Variants in MSTO1 observed in about 807,000 individuals in gnomAD.
MSTO1 encodes misato mitochondrial distribution and morphology regulator 1.
In MSTO1, 24 loss-of-function variants were observed where a neutral mutation model predicts 55.7. The ratio of observed to expected loss-of-function variants is 0.43; its 90% CI spans 0.31 to 0.61. The LOEUF (loss-of-function observed/expected upper bound fraction) is 0.61. Ranked by LOEUF, MSTO1 falls within the 20% of genes least tolerant of loss-of-function variation. MSTO1 has a pLI of 0.09. For synonymous variants in MSTO1, 162 were observed against 252.8 expected (o/e 0.64, Z 3.41); for missense variants, 363 against 625.7 (o/e 0.58, Z 4.48).
the MSTO1 span, among the ~76,000 whole-genome samples, chr1:155,578,789 C>T: frequency 6.8e-6 from 1 of 147,840 alleles, no homozygotes; most frequent in Non-Finnish European, 1.5e-5. Flanking sequence ...GGATTACAGG[C>T]GTGAGCCACC....
the MSTO1 span, among the ~76,000 whole-genome samples, chr1:155,584,082 T>C: frequency 4.7e-4 from 72 of 152,112 alleles, no homozygotes; most frequent in Admixed American, 2.8e-3. Context: ...CTTCATTAAG[T>C]AGTATGGCTG....
In MSTO1 at chr1:155,613,158, G is replaced by A; in HGVS notation, c.1208G>A (p.Cys403Tyr). Residue 403 changes from cysteine (C) to tyrosine (Y), a missense_variant, in exon 11 of 14, where the codon TGT (cysteine) becomes TAT (tyrosine). Physicochemically the swap from Cys to Tyr is radical, Grantham distance 194. Transcript: ENST00000245564. ...ACCCCATGGACCCCACTGTCTGCATGTGGGGAGCCTTCTGGAACACGTTGC... is the reference window on the plus strand; with the variant it reads ...ACCCCATGGACCCCACTGTCTGCATATGGGGAGCCTTCTGGAACACGTTGC... ...GATPWTPLSA[C>Y]GEPSGTRCFA... The A allele has an allele frequency of 1.2e-6, 2 of 1,614,158 alleles. No homozygotes were observed. Among genetic ancestry groups the A allele is most frequent in the Non-Finnish European group, 1.7e-6 (2 of 1,180,036 alleles).
At chr1:155,602,397 AC>A in the MSTO1 span, among the ~76,000 whole-genome samples, 2 of 152,102 alleles carry the variant, frequency 1.3e-5, no homozygotes, top group African/African-American at 2.4e-5. Context: ...AATCGCTTGA[AC>A]CCAGGAGGCA....
the MSTO1 span, among the ~76,000 whole-genome samples, chr1:155,600,008 G>A: frequency 4.2e-4 from 64 of 152,180 alleles, no homozygotes; most frequent in Admixed American, 4.1e-3. Context: ...ACGGGGAGGA[G>A]ACAGATGCCT....
chr1:155,609,697 T>C (rs1673417518), upstream of MSTO1: 1 of 154,678 alleles, frequency 6.5e-6, no homozygotes, highest in Non-Finnish European at 1.4e-5. Context: ...TCTCTTTACA[T>C]AAGGTGTTAG....
At chr1:155,563,744 A>C in the MSTO1 span, 1 of 360,310 alleles carries the variant, frequency 2.8e-6, no homozygotes, top group African/African-American at 2.1e-5. Context: ...CATAAAAATT[A>C]GGCAACTCCA....
chr1:155,602,478 AAAC>A, the MSTO1 span, among the ~76,000 whole-genome samples: 76 of 152,216 alleles, frequency 5.0e-4, no homozygotes, highest in African/African-American at 7.0e-4. Flanking sequence ...CTCCATCTCA[AAAC>A]AACAACAACA....
At chr1:155,591,557 C>T in the MSTO1 span, among the ~76,000 whole-genome samples, 12 of 151,862 alleles carry the variant, frequency 7.9e-5, no homozygotes, top group Non-Finnish European at 1.6e-4. Flanking sequence ...TTTGGGAGGC[C>T]GAGGCAGGCG....
chr1:155,577,010 C>T, the MSTO1 span, among the ~76,000 whole-genome samples: 1 of 107,474 alleles, frequency 9.3e-6, no homozygotes, highest in African/African-American at 3.8e-5. Flanking sequence ...AGCAAAACTC[C>T]GTCTCAAAAA....
chr1:155,572,499 G>A, the MSTO1 span, among the ~76,000 whole-genome samples: 1 of 152,072 alleles, frequency 6.6e-6, no homozygotes, highest in Admixed American at 6.6e-5. Context: ...GGATCACGAA[G>A]TCAGGAGTTC....
chr1:155,595,265 C>T, the MSTO1 span, among the ~76,000 whole-genome samples: 1,649 of 149,302 alleles, frequency 0.011, 34 homozygotes, highest in African/African-American at 0.039. Context: ...GCAAGCTCTG[C>T]CTGCCGGGTT....
Position 155,614,283 on chromosome 1 carries a change from T to C in MSTO1, c.*10T>C, listed in dbSNP as rs1675167981. On this transcript the variant is annotated 3_prime_UTR_variant, in exon 14 of 14. Coordinates refer to ENST00000245564, the MANE Select transcript of MSTO1 (RefSeq NM_018116.4). ...CAGCCTCGTGGACTAAAGTTCCCAGTGTGGGAGAAAGGAGCTAGTTTGCAA... is the reference window on the plus strand; with the variant it reads ...CAGCCTCGTGGACTAAAGTTCCCAGCGTGGGAGAAAGGAGCTAGTTTGCAA... 1.6e-6 allele frequency: 1 copy of C among 625,714 alleles called. No homozygotes were observed. The highest frequency in any genetic ancestry group is 2.8e-6 in the Non-Finnish European group (1 of 362,468). The allele number at this position is 625,714 out of a possible 1,614,324, so 38.8% of individuals were successfully genotyped here.
At chr1:155,595,982 T>G in the MSTO1 span, among the ~76,000 whole-genome samples, 1 of 152,180 alleles carries the variant, frequency 6.6e-6, no homozygotes, top group East Asian at 1.9e-4. Context: ...TATTAATTTC[T>G]TTTTGTTGCT....
At chr1:155,597,545 T>C in the MSTO1 span, among the ~76,000 whole-genome samples, 1 of 151,798 alleles carries the variant, frequency 6.6e-6, no homozygotes, top group Non-Finnish European at 1.5e-5. Flanking sequence ...AGTCTCACTC[T>C]GTTGCCCAGG....
chr1:155,589,631 C>T, the MSTO1 span, among the ~76,000 whole-genome samples: 1 of 152,182 alleles, frequency 6.6e-6, no homozygotes, highest in East Asian at 1.9e-4. Context: ...CCTGAGAGCC[C>T]CTGGCAAATC....
At chr1:155,590,854 C>G in the MSTO1 span, 1 of 1,610,466 alleles carries the variant, frequency 6.2e-7, no homozygotes, top group Non-Finnish European at 8.5e-7. Context: ...CGCCGTCCAG[C>G]AAACGGGGAT....
the MSTO1 span, among the ~76,000 whole-genome samples, chr1:155,590,349 TGG>T: frequency 3.9e-5 from 6 of 152,210 alleles, no homozygotes; most frequent in South Asian, 1.2e-3. Context: ...GCTTCTAAAA[TGG>T]GCATGTCAAG....
At chr1:155,583,840 G>A in the MSTO1 span, among the ~76,000 whole-genome samples, 1 of 152,142 alleles carries the variant, frequency 6.6e-6, no homozygotes, top group African/African-American at 2.4e-5. Context: ...TCCAGTAGTG[G>A]TTGTGCCGGG....
At chr1:155,597,136 A>G in the MSTO1 span, among the ~76,000 whole-genome samples, 2 of 151,418 alleles carry the variant, frequency 1.3e-5, no homozygotes, top group African/African-American at 4.9e-5. Context: ...ACATGAGTGA[A>G]TACCAGACCT....
Sources: allele counts gnomAD v4.1 joint callset (sites outside exome capture counted in the v4.1 genomes callset), GRCh38; gene constraint gnomAD v4.1.1; transcripts MANE v1.5; gene names NCBI Gene and HGNC (gene_info 2026-07-23, HGNC 2026-07-21).